Variants in EDNRB observed in about 807,000 individuals in gnomAD.
The protein encoded by EDNRB is endothelin receptor type B, also known as Hirschsprung disease 2.
In EDNRB, 18 loss-of-function variants were observed where a neutral mutation model predicts 46.4. The observed-to-expected ratio is 0.39, with a 90% CI of 0.27 to 0.57. The LOEUF (loss-of-function observed/expected upper bound fraction) is 0.57, where lower values mean the gene tolerates loss of function less well. Ranked by LOEUF, EDNRB falls within the 20% of genes least tolerant of loss-of-function variation. The pLI, the probability that EDNRB is intolerant of heterozygous loss-of-function variation, is 0.61. For missense variants in EDNRB, 434 were observed against 537.5 expected (o/e 0.81, Z 1.90); for synonymous variants, 213 against 204.9 (o/e 1.04, Z -0.34).
At chr13:77,934,329 A>G (rs1007166471) in intron 1 of EDNRB, among the ~76,000 whole-genome samples, 26 of 152,150 alleles carry the variant, frequency 1.7e-4, no homozygotes, top group African/African-American at 6.3e-4. Flanking sequence ...TGTGTTTTTA[A>G]AAGACCTTTA....
intron 1 of EDNRB, among the ~76,000 whole-genome samples, chr13:77,917,065 G>A (rs1403898305): frequency 3.3e-5 from 5 of 152,012 alleles, no homozygotes; most frequent in Admixed American, 2.6e-4. Context: ...TTCTACTGAC[G>A]CCCATGGTAA....
chr13:77,900,167 T>A (rs939379878), intron 5 of EDNRB, among the ~76,000 whole-genome samples, 200 bp from the exon 6 acceptor site: 2 of 151,976 alleles, frequency 1.3e-5, no homozygotes, highest in Admixed American at 1.3e-4. Context: ...CTGACTTTCC[T>A]CCATTTCCCC....
At chr13:77,911,013 G>A (rs889984711) in intron 1 of EDNRB, among the ~76,000 whole-genome samples, 2 of 151,812 alleles carry the variant, frequency 1.3e-5, no homozygotes, top group Admixed American at 1.3e-4. Context: ...GTCTGTAACA[G>A]GCCAGGAAAG....
At chr13:77,911,582 T>C (rs1308054397) in intron 1 of EDNRB, among the ~76,000 whole-genome samples, 6 of 152,050 alleles carry the variant, frequency 3.9e-5, no homozygotes, top group Admixed American at 3.9e-4. Context: ...GGAGACTTGC[T>C]TGAGAAATGC....
intron 1 of EDNRB, among the ~76,000 whole-genome samples, chr13:77,932,950 G>T (rs1880446115): frequency 1.3e-5 from 2 of 152,088 alleles, no homozygotes. Context: ...ACCAACTAAA[G>T]AACACATAAC....
At chr13:77,931,766 A>G (rs1367281860) in intron 1 of EDNRB, among the ~76,000 whole-genome samples, 2 of 142,222 alleles carry the variant, frequency 1.4e-5, no homozygotes, top group Non-Finnish European at 3.0e-5. Context: ...AAAAACAAAA[A>G]AAAAAAAACA....
chr13:77,945,791 C>G (rs1880886407), intron 1 of EDNRB, among the ~76,000 whole-genome samples: 1 of 150,672 alleles, frequency 6.6e-6, no homozygotes, highest in Non-Finnish European at 1.5e-5. Context: ...TAAAACCTCA[C>G]ACTAAAGGCC....
chr13:77,950,133 G>C (rs183400138), intron 1 of EDNRB, among the ~76,000 whole-genome samples: 102 of 152,300 alleles, frequency 6.7e-4, no homozygotes, highest in African/African-American at 2.4e-3. Context: ...ATCCTGCCAA[G>C]TTAAACTATA....
At chr13:77,964,653 A>G (rs9544650) in intron 1 of EDNRB, among the ~76,000 whole-genome samples, 90,116 of 152,034 alleles carry the variant, frequency 0.59, 28,057 homozygotes, top group Middle Eastern at 0.74. Context: ...AAGGAGGGAT[A>G]GCATTAGGAG....
At position 77,897,216 on chromosome 13, in the gene EDNRB, G is replaced by C; in HGVS notation, c.*984C>G. 1 of 985,248 alleles carries C rather than the reference G, an allele frequency of 1.0e-6. No homozygotes were observed. Among genetic ancestry groups the C allele is most frequent in the Non-Finnish European group, 1.2e-6 (1 of 829,898 alleles). 61.0% of individuals were successfully genotyped at this position (985,248 alleles called of 1,614,324 possible). ...TCCATCGTAAAGCTATGAGCACAGG[G>C]CCTGCCCTCATTTAATCATCTACAT... On this transcript the variant is annotated 3_prime_UTR_variant, in exon 7 of 7. Coordinates refer to ENST00000646607, the MANE Select transcript of EDNRB (RefSeq NM_001122659.3).
At chr13:77,898,420 G>C (rs1400031235) in intron 6 of EDNRB, 86 bp from the exon 7 acceptor site, 2 of 1,585,300 alleles carry the variant, frequency 1.3e-6, no homozygotes, top group Admixed American at 1.7e-5. Flanking sequence ...GACTTTCTTT[G>C]TATGATTAGG....
intron 1 of EDNRB, among the ~76,000 whole-genome samples, chr13:77,933,516 C>A (rs1157527432): frequency 6.6e-6 from 1 of 152,080 alleles, no homozygotes; most frequent in African/African-American, 2.4e-5. Context: ...AGGAACAGGC[C>A]ATTTTCATTT....
intron 1 of EDNRB, among the ~76,000 whole-genome samples, chr13:77,963,927 A>T (rs1157428125): frequency 6.6e-6 from 1 of 152,244 alleles, no homozygotes; most frequent in Non-Finnish European, 1.5e-5. Flanking sequence ...TTTACAAGAA[A>T]AAAACAAACA....
chr13:77,919,180 C>T (rs1377777694), upstream of EDNRB: 1 of 593,790 alleles, frequency 1.7e-6, no homozygotes, highest in Non-Finnish European at 2.8e-6. Context: ...CGGAAACCCG[C>T]AGAGACTTCT....
chr13:77,913,325 G>A (rs746727782), intron 1 of EDNRB, among the ~76,000 whole-genome samples: 1 of 152,060 alleles, frequency 6.6e-6, no homozygotes, highest in Non-Finnish European at 1.5e-5. Context: ...AACTATGAAT[G>A]CAGCCTCTTT....
intron 1 of EDNRB, among the ~76,000 whole-genome samples, chr13:77,947,341 G>C (rs1880955280): frequency 6.8e-6 from 1 of 146,878 alleles, no homozygotes; most frequent in South Asian, 2.2e-4. Flanking sequence ...TTGCCATGTT[G>C]GGCAGGCTGG....
intron 1 of EDNRB, among the ~76,000 whole-genome samples, chr13:77,912,880 T>C (rs1297744105): frequency 6.6e-6 from 1 of 152,144 alleles, no homozygotes; most frequent in African/African-American, 2.4e-5. Context: ...AACATTGTTA[T>C]TAAACTGGGA....
At chr13:77,953,509 G>A (rs1881150306) in intron 1 of EDNRB, among the ~76,000 whole-genome samples, 2 of 152,128 alleles carry the variant, frequency 1.3e-5, no homozygotes, top group South Asian at 4.1e-4. Flanking sequence ...CAACCAGAAT[G>A]AACATGGCAT....
intron 1 of EDNRB, among the ~76,000 whole-genome samples, chr13:77,938,265 G>C (rs1340788876): frequency 6.6e-6 from 1 of 151,988 alleles, no homozygotes; most frequent in Non-Finnish European, 1.5e-5. Context: ...CGGGAAAGGA[G>C]TCAGGGCACA....
Sources: gnomAD v4.1 joint callset for allele counts (sites outside exome capture counted in the v4.1 genomes callset) on GRCh38, gnomAD v4.1.1 for gene constraint, MANE v1.5 for transcripts, NCBI Gene and HGNC (gene_info 2026-07-23, HGNC 2026-07-21) for gene names.